The following DPP8 variants were observed in gnomAD, a reference collection of about 807,000 sequenced individuals.
DPP8 encodes the protein DPP VIII.
DPP8 carries 31 observed loss-of-function variants against 107.5 expected under a neutral mutation model. The observed-to-expected ratio is 0.29, with a 90% CI of 0.22 to 0.39. The LOEUF (loss-of-function observed/expected upper bound fraction) is 0.39, where lower values mean the gene tolerates loss of function less well. DPP8 is among the 10% of genes least tolerant of loss of function. The pLI, the probability that DPP8 is intolerant of heterozygous loss-of-function variation, is 1.00. For synonymous variants in DPP8, 381 were observed against 356.6 expected (o/e 1.07, Z -0.77); for missense variants, 842 against 1,076.1 (o/e 0.78, Z 3.04).
In DPP8 at chr15:65,466,708, C is replaced by T; in HGVS notation, c.1795G>A (p.Glu599Lys). The T allele has an allele frequency of 6.2e-7, 1 of 1,613,986 alleles. No individual in the cohort carries two copies. The highest frequency in any genetic ancestry group is 8.5e-7 in the Non-Finnish European group (1 of 1,179,958). Residue 599 changes from glutamate to lysine, a missense_variant, in exon 14 of 20, where the codon GAA becomes AAA. Coordinates refer to ENST00000300141, the MANE Select transcript of DPP8 (RefSeq NM_130434.5). ...GAATCCAAAATGGTGGCCCAAAATT[C>T]CTTTGTTTTGCAAGTTGGGTCATCT... ...PEDDPTCKTK[E>K]FWATILDSAG...
At chr15:65,492,167 C>T (rs1004952700) in intron 5 of DPP8, among the ~76,000 whole-genome samples, 1 of 151,926 alleles carries the variant, frequency 6.6e-6, no homozygotes, top group Non-Finnish European at 1.5e-5. Context: ...CATAGTGAAA[C>T]CCCGCCTCTA....
chr15:65,473,401 T>C (rs776711197), intron 12 of DPP8, among the ~76,000 whole-genome samples: 17 of 150,662 alleles, frequency 1.1e-4, no homozygotes, highest in Middle Eastern at 3.6e-3. Flanking sequence ...AAACATGACA[T>C]GAAAGAAAAC....
chr15:65,499,209 G>C (rs2068935346), intron 4 of DPP8, among the ~76,000 whole-genome samples: 1 of 151,692 alleles, frequency 6.6e-6, no homozygotes, highest in Non-Finnish European at 1.5e-5. Context: ...CAGGAAGTGG[G>C]AATTGATGCC....
chr15:65,469,524 G>T (rs1478213753), intron 12 of DPP8, among the ~76,000 whole-genome samples: 1 of 151,152 alleles, frequency 6.6e-6, no homozygotes, highest in Non-Finnish European at 1.5e-5. Flanking sequence ...ATGGTGGCAT[G>T]CACCTGTAAT....
intron 5 of DPP8, among the ~76,000 whole-genome samples, chr15:65,497,502 C>T (rs887150374): frequency 4.6e-5 from 7 of 152,082 alleles, no homozygotes; most frequent in Non-Finnish European, 5.9e-5. Flanking sequence ...AATCTGCCTG[C>T]CTCAGCCTCC....
chr15:65,485,520 G>A (rs1158610309), intron 7 of DPP8, among the ~76,000 whole-genome samples: 6 of 139,688 alleles, frequency 4.3e-5, no homozygotes, highest in South Asian at 2.3e-4. Flanking sequence ...CTCCAGCCTC[G>A]GTAACAAGAG....
chr15:65,500,110 T>C (rs1355980821), intron 4 of DPP8, among the ~76,000 whole-genome samples: 1 of 151,958 alleles, frequency 6.6e-6, no homozygotes, highest in Non-Finnish European at 1.5e-5. Flanking sequence ...CTCTGTTGCC[T>C]GAGCTGGTAA....
Position 65,452,015 on chromosome 15 carries a change from C to T in DPP8, c.2359G>A (p.Glu787Lys). The change falls in exon 18 of 20, where the codon GAA (glutamate) becomes AAA (lysine). Residue 787 changes from glutamate to lysine, a missense_variant. This residue lies in a region of DPP8 where 179 missense variants were observed against 318.0 expected (regional missense o/e 0.56). Coordinates refer to ENST00000300141, the MANE Select transcript of DPP8 (RefSeq NM_130434.5). The part of the protein sequence containing the change: ...ERYMGHPDQN[E>K]QGYYLGSVAM... ...ACAGATCCTAAGTAATAGCCCTGTT[C>T]ATTCTGGTCAGGGTGACCCATATAA... 1 of 1,612,512 alleles carries T rather than the reference C, an allele frequency of 6.2e-7. No homozygotes were observed. Among genetic ancestry groups the T allele is most frequent in the East Asian group, 2.2e-5 (1 of 44,798 alleles).
rs61568233 is a variant in DPP8 at position 65,462,818 on chromosome 15, A to G, written c.1971+943T>C. Among the ~76,000 whole-genome samples, 470 of 152,136 alleles carry G rather than the reference A, an allele frequency of 3.1e-3. 1 individual carries two copies. Among genetic ancestry groups the G allele is most frequent in the African/African-American group, 0.011 (453 of 41,518 alleles). ...ATGGTCTCGATCTCCTGACCTTGTGATCTGCCCACCTCGGCCTCCCAAAGT... is the reference window on the plus strand; with the variant it reads ...ATGGTCTCGATCTCCTGACCTTGTGGTCTGCCCACCTCGGCCTCCCAAAGT... On this transcript the variant is annotated intron_variant, in intron 15 of 19. Transcript: ENST00000300141.
intron 19 of DPP8, among the ~76,000 whole-genome samples, chr15:65,448,540 C>T (rs1432884752): frequency 4.6e-5 from 7 of 150,758 alleles, no homozygotes; most frequent in South Asian, 2.1e-4. Context: ...GGCGTGGTGG[C>T]GGGCACCGGT....
At chr15:65,511,421 G>A (rs745420891) in intron 2 of DPP8, among the ~76,000 whole-genome samples, 157 of 151,356 alleles carry the variant, frequency 1.0e-3, no homozygotes, top group Non-Finnish European at 1.8e-3. Context: ...GGAATGTTAC[G>A]AAGTTTTTAA....
intron 8 of DPP8, among the ~76,000 whole-genome samples, chr15:65,483,535 A>C (rs2067122723): frequency 6.6e-6 from 1 of 151,902 alleles, no homozygotes; most frequent in South Asian, 2.1e-4. Context: ...TTGTATTTTT[A>C]GTAGAGATGG....
chr15:65,466,512 C>T (rs1400169622), intron 14 of DPP8, among the ~76,000 whole-genome samples, 166 bp downstream of exon 14: 1 of 152,096 alleles, frequency 6.6e-6, no homozygotes, highest in East Asian at 1.9e-4. Context: ...TATTCAGTAG[C>T]TAACAGAATA....
At chr15:65,465,474 C>T (rs566267920) in intron 14 of DPP8, among the ~76,000 whole-genome samples, 1 of 150,010 alleles carries the variant, frequency 6.7e-6, no homozygotes, top group African/African-American at 2.4e-5. Context: ...GGCCTAATTT[C>T]TTAACCCCTT....
At chr15:65,451,498 T>A (rs764563934) in intron 18 of DPP8, among the ~76,000 whole-genome samples, 1 of 152,230 alleles carries the variant, frequency 6.6e-6, no homozygotes, top group Admixed American at 6.5e-5. Flanking sequence ...TGAATTGGCC[T>A]GTAATTCAGT....
intron 15 of DPP8, among the ~76,000 whole-genome samples, chr15:65,461,837 G>A (rs1352961023): frequency 6.6e-6 from 1 of 151,804 alleles, no homozygotes; most frequent in Non-Finnish European, 1.5e-5. Context: ...CTGACCTCAT[G>A]ATCCGCCTGC....
Position 65,480,345 on chromosome 15 carries a change from G to A in DPP8, c.1173C>T (p.Ile391=), listed in dbSNP as rs1361488104. The A allele has an allele frequency of 4.3e-6, 7 of 1,613,548 alleles. No individual in the cohort carries two copies. Among genetic ancestry groups the A allele is most frequent in the Non-Finnish European group, 5.1e-6 (6 of 1,179,820 alleles). The change falls in exon 10 of 20, where the codon ATC becomes ATT. Residue 391 remains isoleucine, a synonymous_variant. Transcript: ENST00000300141. ...CTACTGGGATAAATAATTCAGGTGA[G>A]ATCAACACTATCTGTAGGCGAGTCT... ...RSQTRLQIVL[I]SPELFIPVED... is the part of the protein sequence containing the mutation.
At position 65,442,848 on chromosome 15, in the gene DPP8, CAA is replaced by C. The variant is rs1021395511; in HGVS notation, c.*4034_*4035del. 3.9e-5 allele frequency: 6 copies of C among 152,242 alleles called. No homozygotes were observed. Among genetic ancestry groups the C allele is most frequent in the African/African-American group, 1.4e-4 (6 of 41,560 alleles). The allele number at this position is 152,242 out of a possible 1,614,324, so 9.4% of individuals were successfully genotyped here. A position where few individuals can be genotyped will look rare whatever the true frequency, so the allele number is the denominator to read the frequency against. On this transcript the variant is annotated 3_prime_UTR_variant, in exon 20 of 20. Coordinates refer to ENST00000300141, the MANE Select transcript of DPP8 (RefSeq NM_130434.5). ...TAGGTGAGGCTGGGAAGGTGGGAAT[CAA>C]AAAAGTTTCCTTTTTCCTTTATATC...
Position 65,480,205 on chromosome 15 carries a change from C to T in DPP8, c.1296+17G>A. On this transcript the variant is annotated intron_variant, in intron 10 of 19. Coordinates refer to ENST00000300141, the MANE Select transcript of DPP8 (RefSeq NM_130434.5). ...TTCTGAGAAAATATTTAAACAAATACAGGAAAAAATGCATACATTTATCCA... is the reference window on the plus strand; with the variant it reads ...TTCTGAGAAAATATTTAAACAAATATAGGAAAAAATGCATACATTTATCCA... 6.3e-7 allele frequency: 1 copy of T among 1,590,710 alleles called. No homozygotes were observed. Among genetic ancestry groups the T allele is most frequent in the Non-Finnish European group, 8.6e-7 (1 of 1,167,710 alleles).
Sources: allele counts gnomAD v4.1 joint callset (sites outside exome capture counted in the v4.1 genomes callset), GRCh38; gene constraint gnomAD v4.1.1; regional missense constraint gnomAD v4.1.1; transcripts MANE v1.5; gene names NCBI Gene and HGNC (gene_info 2026-07-23, HGNC 2026-07-21).